ROBO2: variants seen among roughly 807,000 people sequenced by gnomAD.
ROBO2 encodes the protein roundabout homolog 2.
In ROBO2, 53 loss-of-function variants were observed where a neutral mutation model predicts 160.8. That is an observed-to-expected ratio of 0.33 (90% CI 0.26 to 0.41). ROBO2 has a LOEUF of 0.41. Ranked by LOEUF, ROBO2 falls within the 10% of genes least tolerant of loss-of-function variation. ROBO2 has a pLI of 1.00. For synonymous variants in ROBO2, 664 were observed against 611.7 expected, an observed-to-expected ratio of 1.09 and a Z score of -1.26; for missense variants, 1,577 against 1,722.4, an observed-to-expected ratio of 0.92 and a Z score of 1.49.
intron 2 of ROBO2, among the ~76,000 whole-genome samples, chr3:76,119,916 C>CCCTCCCTCCCTCCCTCCCTCCCTCCCTT (rs1377854643): frequency 2.7e-4 from 24 of 88,174 alleles, no homozygotes; most frequent in East Asian, 1.2e-3. Context: ...TTCCCTCCCT[C>CCCTCCCTCCCTCCCTCCCTCCCTCCCTT]CCTTCCTTCC....
At chr3:77,495,524 C>T (rs538079323) in intron 5 of ROBO2, among the ~76,000 whole-genome samples, 1 of 152,252 alleles carries the variant, frequency 6.6e-6, no homozygotes, top group East Asian at 1.9e-4. Flanking sequence ...TAGACTTCTG[C>T]ATTTGTTCTC....
chr3:77,261,045 G>T (rs942903987), intron 2 of ROBO2, among the ~76,000 whole-genome samples: 4 of 152,140 alleles, frequency 2.6e-5, no homozygotes, highest in African/African-American at 9.7e-5. Context: ...GCATTCCCAG[G>T]CTCACGGTTT....
At chr3:77,612,828 C>A (rs1373990127) in intron 21 of ROBO2, among the ~76,000 whole-genome samples, 1 of 152,002 alleles carries the variant, frequency 6.6e-6, no homozygotes, top group Non-Finnish European at 1.5e-5. Flanking sequence ...TGCCTGTAGT[C>A]CCAGCTACCA....
chr3:76,861,828 T>C (rs1322163789), intron 2 of ROBO2, among the ~76,000 whole-genome samples: 1 of 152,222 alleles, frequency 6.6e-6, no homozygotes, highest in Non-Finnish European at 1.5e-5. Flanking sequence ...AGTCACAGCC[T>C]GCTTTTCCCC....
chr3:76,039,382 T>C (rs1328576243), intron 2 of ROBO2, among the ~76,000 whole-genome samples: 1 of 152,062 alleles, frequency 6.6e-6, no homozygotes, highest in Non-Finnish European at 1.5e-5. Context: ...ACAATGAATT[T>C]ATACTGGCAC....
chr3:77,348,821 C>T (rs1416401308), intron 2 of ROBO2, among the ~76,000 whole-genome samples: 1 of 152,134 alleles, frequency 6.6e-6, no homozygotes, highest in Non-Finnish European at 1.5e-5. Flanking sequence ...TTAGTCTCTC[C>T]CCAGGGCTAA....
At chr3:77,160,590 G>A (rs1249537889) in intron 2 of ROBO2, among the ~76,000 whole-genome samples, 1 of 152,114 alleles carries the variant, frequency 6.6e-6, no homozygotes, top group Non-Finnish European at 1.5e-5. Context: ...GAATTATTCT[G>A]TTCTATAAAC....
chr3:75,942,616 T>G (rs1948107882), intron 2 of ROBO2, among the ~76,000 whole-genome samples: 1 of 152,112 alleles, frequency 6.6e-6, no homozygotes, highest in Admixed American at 6.6e-5. Flanking sequence ...CCCACATGAA[T>G]ACACACTCCC....
At chr3:76,665,718 A>G (rs2091991764) in intron 2 of ROBO2, among the ~76,000 whole-genome samples, 1 of 151,466 alleles carries the variant, frequency 6.6e-6, no homozygotes, top group Non-Finnish European at 1.5e-5. Flanking sequence ...AGCTTAAAAC[A>G]TAAAATTATT....
intron 2 of ROBO2, among the ~76,000 whole-genome samples, chr3:76,804,854 C>G (rs940426521): frequency 3.3e-5 from 5 of 152,134 alleles, no homozygotes; most frequent in Admixed American, 6.6e-5. Flanking sequence ...AGCTTATGCT[C>G]TTCGTAATAA....
At chr3:76,399,163 A>G (rs970746624) in intron 2 of ROBO2, among the ~76,000 whole-genome samples, 1 of 151,756 alleles carries the variant, frequency 6.6e-6, no homozygotes, top group East Asian at 1.9e-4. Context: ...TAAAGAAACA[A>G]AATTTTTTAT....
chr3:76,338,591 A>G (rs1487846256), intron 2 of ROBO2, among the ~76,000 whole-genome samples: 1 of 151,904 alleles, frequency 6.6e-6, no homozygotes, highest in Non-Finnish European at 1.5e-5. Flanking sequence ...AGGAAGGATC[A>G]TTTGAGCCCA....
rs369119659 is a variant in ROBO2, at chr3:76,858,324, G to C, written c.110-239690G>C. Among the ~76,000 whole-genome samples the C allele has an allele frequency of 6.6e-5, 10 of 152,280 alleles. No homozygotes were observed. The East Asian group carries it at 1.2e-3, about 18-fold the overall frequency. ...GCCTTTCTCTGTCACCCAGGCTAGAGTGATCTTGGCTCACTGCAGCCTCTA... is the reference window on the plus strand; with the variant it reads ...GCCTTTCTCTGTCACCCAGGCTAGACTGATCTTGGCTCACTGCAGCCTCTA... On this transcript the variant is annotated intron_variant, in intron 2 of 26. Coordinates refer to the ROBO2 transcript ENST00000487694.
chr3:76,966,936 G>A (rs1243061496), intron 2 of ROBO2, among the ~76,000 whole-genome samples: 1 of 152,128 alleles, frequency 6.6e-6, no homozygotes, highest in Non-Finnish European at 1.5e-5. Context: ...TGAAGAGCAG[G>A]GTACCCACAT....
At chr3:76,332,896 T>G (rs538254203) in intron 2 of ROBO2, among the ~76,000 whole-genome samples, 1 of 152,336 alleles carries the variant, frequency 6.6e-6, no homozygotes, top group South Asian at 2.1e-4. Context: ...TTTTGTTATA[T>G]AACACAACAA....
chr3:76,175,977 AT>A (rs931111140), intron 2 of ROBO2, among the ~76,000 whole-genome samples: 2 of 150,546 alleles, frequency 1.3e-5, no homozygotes, highest in South Asian at 2.1e-4. Flanking sequence ...AGAATTTTTT[AT>A]TTTTTTTTCT....
Position 77,511,255 on chromosome 3 carries a change from A to G in ROBO2, c.807-11520A>G, listed in dbSNP as rs114149713. ...CTACCATGGGAATGTAAGATGGGAG[A>G]GACGGGCACTCAGAAGACAGCCACA... On this transcript the variant is annotated intron_variant, in intron 5 of 25. Transcript: ENST00000461745. Among the ~76,000 whole-genome samples the G allele has an allele frequency of 2.2e-3, 340 of 151,996 alleles. 4 individuals carry two copies. Among genetic ancestry groups the G allele is most frequent in the African/African-American group, 7.8e-3 (325 of 41,490 alleles).
intron 16 of ROBO2, among the ~76,000 whole-genome samples, chr3:77,581,389 G>GA (rs773554660): frequency 6.6e-6 from 1 of 152,042 alleles, no homozygotes; most frequent in Non-Finnish European, 1.5e-5. Flanking sequence ...CTTACCTCTA[G>GA]ATACTGAGGA....
At chr3:77,184,290 A>ACAGT (rs1289340833) in intron 2 of ROBO2, among the ~76,000 whole-genome samples, 2 of 152,076 alleles carry the variant, frequency 1.3e-5, no homozygotes, top group Non-Finnish European at 1.5e-5. Flanking sequence ...AACTAGAAAT[A>ACAGT]CAGTCATTCA....
Sources: gnomAD v4.1 joint callset for allele counts (sites outside exome capture counted in the v4.1 genomes callset) on GRCh38, gnomAD v4.1.1 for gene constraint, MANE v1.5 for transcripts, NCBI Gene and HGNC (gene_info 2026-07-23, HGNC 2026-07-21) for gene names.